SPOCK3: variants seen among roughly 807,000 people sequenced by gnomAD.
SPOCK3 encodes SPARC (osteonectin), cwcv and kazal like domains proteoglycan 3, also known as testican-3.
SPOCK3 carries 30 observed loss-of-function variants against 56.6 expected under a neutral mutation model. The ratio of observed to expected loss-of-function variants is 0.53; its 90% CI spans 0.40 to 0.72. SPOCK3 has a LOEUF of 0.72. Ranked by LOEUF, SPOCK3 falls within the 30% of genes least tolerant of loss-of-function variation. The pLI, the probability that SPOCK3 is intolerant of heterozygous loss-of-function variation, is 0.00. For missense variants in SPOCK3, 527 were observed against 530.0 expected, an observed-to-expected ratio of 0.99 and a Z score of 0.06; for synonymous variants, 196 against 183.3, an observed-to-expected ratio of 1.07 and a Z score of -0.56.
chr4:166,788,754 G>GT (rs1741008347), intron 7 of SPOCK3, among the ~76,000 whole-genome samples: 1 of 151,406 alleles, frequency 6.6e-6, no homozygotes, highest in East Asian at 1.9e-4. Flanking sequence ...TATACAAGAC[G>GT]TTTTTTTAAA....
chr4:167,043,145 C>A (rs139921707), intron 3 of SPOCK3, among the ~76,000 whole-genome samples: 2 of 151,992 alleles, frequency 1.3e-5, no homozygotes, highest in Non-Finnish European at 1.5e-5. Flanking sequence ...GGCTTGATAG[C>A]TCATTATTTC....
intron 4 of SPOCK3, among the ~76,000 whole-genome samples, chr4:166,972,314 A>G (rs1260985178): frequency 1.3e-5 from 2 of 152,194 alleles, no homozygotes; most frequent in Non-Finnish European, 2.9e-5. Flanking sequence ...GAAAATCTTC[A>G]ATAAGAAACT....
At chr4:167,219,369 C>A (rs115771026) in intron 2 of SPOCK3, among the ~76,000 whole-genome samples, 1,647 of 152,248 alleles carry the variant, frequency 0.011, 26 homozygotes, top group African/African-American at 0.031. Flanking sequence ...GCCTATTGTA[C>A]CCTATGTAAA....
chr4:167,091,323 T>C (rs922145772), intron 2 of SPOCK3, among the ~76,000 whole-genome samples: 3 of 152,178 alleles, frequency 2.0e-5, no homozygotes, highest in Admixed American at 6.5e-5. Context: ...ACATTATTAT[T>C]TCATAATGAA....
At chr4:167,160,116 T>A (rs548351925) in intron 2 of SPOCK3, among the ~76,000 whole-genome samples, 3 of 152,064 alleles carry the variant, frequency 2.0e-5, no homozygotes, top group African/African-American at 7.3e-5. Flanking sequence ...TGTTTGCAGA[T>A]GACATGATTG....
intron 3 of SPOCK3, among the ~76,000 whole-genome samples, chr4:167,016,983 T>C (rs1027496330): frequency 6.6e-6 from 1 of 152,160 alleles, no homozygotes. Flanking sequence ...GGAATGGATC[T>C]CTATTAGGCT....
chr4:166,790,377 T>G (rs755497820), intron 7 of SPOCK3, among the ~76,000 whole-genome samples: 1 of 152,148 alleles, frequency 6.6e-6, no homozygotes, highest in African/African-American at 2.4e-5. Context: ...AATTCACCCA[T>G]AGGGTGCACA....
chr4:166,838,886 C>T (rs983371073), intron 6 of SPOCK3, among the ~76,000 whole-genome samples: 6 of 150,460 alleles, frequency 4.0e-5, no homozygotes, highest in African/African-American at 1.2e-4. Context: ...CGCTTGAATC[C>T]GGGAGGCGGA....
intron 2 of SPOCK3, among the ~76,000 whole-genome samples, chr4:167,211,623 T>C (rs976905229): frequency 3.3e-5 from 5 of 152,168 alleles, no homozygotes; most frequent in Admixed American, 6.6e-5. Flanking sequence ...GAAGTTTCCA[T>C]GCACAAACTC....
At chr4:167,018,423 A>G (rs1203119862) in intron 3 of SPOCK3, among the ~76,000 whole-genome samples, 2 of 152,086 alleles carry the variant, frequency 1.3e-5, no homozygotes. Context: ...GGGATGAGGA[A>G]AATTCTTGTC....
chr4:166,979,073 A>T (rs1746294100), intron 4 of SPOCK3, among the ~76,000 whole-genome samples: 2 of 152,294 alleles, frequency 1.3e-5, no homozygotes, highest in Admixed American at 6.5e-5. Flanking sequence ...AACTGTGGTT[A>T]TCTATTTATA....
intron 2 of SPOCK3, among the ~76,000 whole-genome samples, chr4:167,175,666 G>A (rs938597366): frequency 2.0e-5 from 3 of 152,100 alleles, no homozygotes; most frequent in Non-Finnish European, 2.9e-5. Flanking sequence ...GGAGGCTTGG[G>A]AAAGACAGGC....
chr4:166,749,136 G>C (rs1369333525), intron 8 of SPOCK3, among the ~76,000 whole-genome samples: 1 of 136,618 alleles, frequency 7.3e-6, no homozygotes, highest in Non-Finnish European at 1.5e-5. Flanking sequence ...CCCATTACTG[G>C]GTATATACCC....
At position 167,103,343 on chromosome 4, in the gene SPOCK3, G is replaced by T. The variant is rs948792276; in HGVS notation, c.190-40806C>A. On this transcript the variant is annotated intron_variant, in intron 2 of 10. Transcript: ENST00000357545. ...CTTAGCTCTTGGATGGTATTTCTAG[G>T]TCTGCCCTGGACCAGAGGGTGGCCC... 3.3e-5 allele frequency among the ~76,000 whole-genome samples: 5 copies of T among 152,202 alleles called. 1 individual carries two copies. In the South Asian group the frequency reaches 1.0e-3, roughly 32 times the overall value.
At chr4:166,984,757 C>G (rs1420438101) in intron 4 of SPOCK3, among the ~76,000 whole-genome samples, 2 of 152,100 alleles carry the variant, frequency 1.3e-5, no homozygotes, top group Non-Finnish European at 2.9e-5. Context: ...TCCTTTTAGC[C>G]TCTTAGCAGC....
chr4:167,234,816 A>T (rs1737558206), upstream of SPOCK3: 1 of 152,860 alleles, frequency 6.5e-6, no homozygotes, highest in South Asian at 2.1e-4. Flanking sequence ...CCTCCAGAAG[A>T]GGTTCTCATG....
intron 9 of SPOCK3, among the ~76,000 whole-genome samples, chr4:166,738,413 ATTTT>A (rs147500278): frequency 0.4 from 49,715 of 124,176 alleles, 8,331 homozygotes; most frequent in Admixed American, 0.48. Context: ...ATAGATAAAT[ATTTT>A]TTATTTATTT....
At position 166,889,115 on chromosome 4, in the gene SPOCK3, A is replaced by G; in HGVS notation, c.589+15T>C. Reference sequence around the variant, plus strand: ...GTGATGAATGTAAAATTATAAATATATTTTTGTCACTTACCTCTCTTAACA... The same window carrying G: ...GTGATGAATGTAAAATTATAAATATGTTTTTGTCACTTACCTCTCTTAACA... On this transcript the variant is annotated intron_variant, in intron 6 of 10. Coordinates refer to ENST00000357545, the MANE Select transcript of SPOCK3 (RefSeq NM_001040159.2). 2 of 1,455,324 alleles carry G rather than the reference A, an allele frequency of 1.4e-6. No individual in the cohort carries two copies. Among genetic ancestry groups the G allele is most frequent in the Non-Finnish European group, 1.9e-6 (2 of 1,037,026 alleles). 90.2% of individuals were successfully genotyped at this position (1,455,324 alleles called of 1,614,324 possible).
At chr4:166,743,833 C>T (rs976212076) in intron 8 of SPOCK3, among the ~76,000 whole-genome samples, 36 of 152,310 alleles carry the variant, frequency 2.4e-4, no homozygotes, top group Middle Eastern at 3.4e-3. Flanking sequence ...GTGGGTCCCA[C>T]GCCCATGGAG....
Sources: allele counts gnomAD v4.1 joint callset (sites outside exome capture counted in the v4.1 genomes callset), GRCh38; gene constraint gnomAD v4.1.1; transcripts MANE v1.5; gene names NCBI Gene and HGNC (gene_info 2026-07-23, HGNC 2026-07-21).